The following GNG2 variants were observed in gnomAD, a reference collection of about 807,000 sequenced individuals.
GNG2 encodes the protein guanine nucleotide-binding protein G(I)/G(S)/G(O) subunit gamma-2.
GNG2 carries 5 observed loss-of-function variants against 5.5 expected under a neutral mutation model. That is an observed-to-expected ratio of 0.91 (90% confidence interval 0.48 to 1.92). The LOEUF is 1.92. Ranked by LOEUF, GNG2 falls within the 30% of genes most tolerant of loss-of-function variation. The pLI is 0.01. For missense variants in GNG2, 55 were observed against 88.4 expected (o/e 0.62, Z 1.52); for synonymous variants, 28 against 32.0 (o/e 0.88, Z 0.42).
chr14:51,941,419 T>A (rs911778321), intron 2 of GNG2, among the ~76,000 whole-genome samples: 17 of 152,238 alleles, frequency 1.1e-4, no homozygotes, highest in Non-Finnish European at 2.9e-5. Flanking sequence ...ACAGAAAAAT[T>A]GTTTTATTGC....
At chr14:51,838,328 C>T (rs1357803833) in intron 2 of GNG2, among the ~76,000 whole-genome samples, 2 of 152,090 alleles carry the variant, frequency 1.3e-5, no homozygotes, top group African/African-American at 2.4e-5. Flanking sequence ...CCTGTAATCA[C>T]AGCTGCTCAG....
intron 2 of GNG2, among the ~76,000 whole-genome samples, chr14:51,927,106 G>T (rs1022718268): frequency 6.6e-6 from 1 of 152,124 alleles, no homozygotes; most frequent in African/African-American, 2.4e-5. Flanking sequence ...TCCAATTCAC[G>T]TTTTCTTTTG....
At chr14:51,836,732 A>G (rs1881340984) in intron 2 of GNG2, among the ~76,000 whole-genome samples, 1 of 152,150 alleles carries the variant, frequency 6.6e-6, no homozygotes, top group Non-Finnish European at 1.5e-5. Flanking sequence ...ATCATAAGGC[A>G]AATTTATAGG....
chr14:51,950,640 T>C lies in GNG2; in HGVS notation c.-29-10T>C. The C allele has an allele frequency of 6.8e-7, 1 of 1,480,316 alleles. No homozygotes were observed. Among genetic ancestry groups the C allele is most frequent in the Non-Finnish European group, 9.4e-7 (1 of 1,065,106 alleles). 91.7% of individuals were successfully genotyped at this position (1,480,316 alleles called of 1,614,324 possible). A position where few individuals can be genotyped will look rare whatever the true frequency, so the allele number is the denominator to read the frequency against. On this transcript the variant is annotated splice_polypyrimidine_tract_variant and intron_variant, in intron 2 of 3. Coordinates refer to ENST00000556766, the MANE Select transcript of GNG2 (RefSeq NM_053064.5). ...CTCTGGTACAATCTTCTTTTTGTTT[T>C]CTTTTCTAGTGTTTCTGAAAGATCT...
At chr14:51,885,590 AAC>A (rs148960161) in intron 2 of GNG2, among the ~76,000 whole-genome samples, 10 of 150,068 alleles carry the variant, frequency 6.7e-5, no homozygotes, top group East Asian at 3.9e-4. Context: ...CGTATTCTAT[AAC>A]ACACACACAC....
intron 2 of GNG2, among the ~76,000 whole-genome samples, chr14:51,942,310 G>A (rs934953301): frequency 6.6e-6 from 1 of 151,900 alleles, no homozygotes. Context: ...TCTCACTGGG[G>A]GTACTATGGG....
intron 1 of GNG2, among the ~76,000 whole-genome samples, chr14:51,870,632 G>A (rs538963301): frequency 6.6e-6 from 1 of 152,306 alleles, no homozygotes; most frequent in African/African-American, 2.4e-5. Context: ...GTATTTTGTT[G>A]ATTACAGTAC....
intron 2 of GNG2, among the ~76,000 whole-genome samples, chr14:51,835,062 TG>T (rs757212651): frequency 2.6e-5 from 4 of 151,960 alleles, no homozygotes; most frequent in Non-Finnish European, 4.4e-5. Context: ...CTCCAGAGAG[TG>T]GCTCAGCTCC....
At chr14:51,906,640 G>A (rs1885936881) in intron 2 of GNG2, among the ~76,000 whole-genome samples, 1 of 151,610 alleles carries the variant, frequency 6.6e-6, no homozygotes, top group Non-Finnish European at 1.5e-5. Context: ...GCTATTAATT[G>A]TACAGTATTT....
intron 3 of GNG2, among the ~76,000 whole-genome samples, chr14:51,962,290 A>G (rs556432857): frequency 1.8e-4 from 27 of 152,308 alleles, no homozygotes; most frequent in African/African-American, 6.5e-4. Context: ...TGTAAGATCT[A>G]ATAGGTCTAC....
chr14:51,889,625 CT>C (rs1209395443), intron 2 of GNG2, among the ~76,000 whole-genome samples: 2 of 152,096 alleles, frequency 1.3e-5, no homozygotes, highest in African/African-American at 2.4e-5. Context: ...TTTAATTTCC[CT>C]TTTTTTGTTT....
intron 2 of GNG2, among the ~76,000 whole-genome samples, chr14:51,903,897 A>C (rs1234333036): frequency 6.6e-6 from 1 of 152,212 alleles, no homozygotes; most frequent in African/African-American, 2.4e-5. Context: ...CAAGGACTCC[A>C]ACCTCAGAGA....
chr14:51,926,755 G>T (rs1887353211), intron 2 of GNG2, among the ~76,000 whole-genome samples: 1 of 152,114 alleles, frequency 6.6e-6, no homozygotes, highest in Non-Finnish European at 1.5e-5. Context: ...TTTGCTAAGG[G>T]TCCCTGTTTC....
At chr14:51,914,767 A>G (rs889153039) in intron 2 of GNG2, among the ~76,000 whole-genome samples, 17 of 152,088 alleles carry the variant, frequency 1.1e-4, no homozygotes, top group Non-Finnish European at 2.1e-4. Context: ...AGAGTTCTTT[A>G]TGTTTTTTTG....
intron 2 of GNG2, 116 bp from the exon 3 acceptor site, chr14:51,950,534 G>A: frequency 1.6e-6 from 1 of 634,338 alleles, no homozygotes; most frequent in South Asian, 2.1e-5. Context: ...GGAGAGGGCT[G>A]GAGAAGCCAG....
At chr14:51,929,949 C>T (rs973379717) in intron 2 of GNG2, among the ~76,000 whole-genome samples, 1 of 152,110 alleles carries the variant, frequency 6.6e-6, no homozygotes, top group Non-Finnish European at 1.5e-5. Flanking sequence ...AAATATATCA[C>T]CTTAATTTTA....
chr14:51,848,240 A>G (rs1045188982), intron 2 of GNG2, among the ~76,000 whole-genome samples: 1 of 152,056 alleles, frequency 6.6e-6, no homozygotes, highest in Admixed American at 6.6e-5. Context: ...ATCTTTCTAA[A>G]TTCCAAAAGG....
chr14:51,906,895 A>G (rs1259849392), intron 2 of GNG2, among the ~76,000 whole-genome samples: 1 of 151,744 alleles, frequency 6.6e-6, no homozygotes, highest in African/African-American at 2.4e-5. Flanking sequence ...AGCTGGGACT[A>G]CAGGTGCCCG....
chr14:51,868,702 CCTT>C lies in GNG2; in HGVS notation c.-71+7917_-71+7919del, dbSNP rs896937706. Among the ~76,000 whole-genome samples, 4 of 152,282 alleles carry C rather than the reference CCTT, an allele frequency of 2.6e-5. 1 individual carries two copies. The highest frequency in any genetic ancestry group is 9.6e-5 in the African/African-American group (4 of 41,562). Reference sequence around the variant, plus strand: ...AGGTGAGATTTCAGAGGAAATGTGTCCTTCTTCACATACATGTTCTGTAATCTA... The same window carrying C: ...AGGTGAGATTTCAGAGGAAATGTGTCCTTCACATACATGTTCTGTAATCTA... On this transcript the variant is annotated intron_variant, in intron 1 of 3. Coordinates refer to ENST00000556766, the MANE Select transcript of GNG2 (RefSeq NM_053064.5).
Sources: allele counts gnomAD v4.1 joint callset (sites outside exome capture counted in the v4.1 genomes callset), GRCh38; gene constraint gnomAD v4.1.1; transcripts MANE v1.5; gene names NCBI Gene and HGNC (gene_info 2026-07-23, HGNC 2026-07-21).